FMN1: variants seen among roughly 807,000 people sequenced by gnomAD.
FMN1 encodes the protein formin 1, also known as formin-1.
Under a neutral mutation model 132.4 loss-of-function variants are expected in FMN1, and 110 were observed. The ratio of observed to expected loss-of-function variants is 0.83; its 90% CI spans 0.71 to 0.97. FMN1 has a LOEUF of 0.97. Among genes scored for constraint, FMN1 ranks in the 50% least tolerant of loss-of-function variants. The probability of loss-of-function intolerance (pLI) is 0.00; values close to 1 mark genes in which losing one functional copy is unlikely to be tolerated. For synonymous variants in FMN1, 722 were observed against 651.7 expected (o/e 1.11, Z -1.64); for missense variants, 1,792 against 1,705.3 (o/e 1.05, Z -0.90).
chr15:33,184,975 G>A (rs751112973), intron 2 of FMN1, among the ~76,000 whole-genome samples: 8 of 152,180 alleles, frequency 5.3e-5, no homozygotes, highest in Non-Finnish European at 1.0e-4. Context: ...TGCTTATATT[G>A]TTAAAGGTTT....
intron 4 of FMN1, among the ~76,000 whole-genome samples, chr15:33,098,584 G>C (rs2039173691): frequency 6.6e-6 from 1 of 152,168 alleles, no homozygotes; most frequent in East Asian, 1.9e-4. Flanking sequence ...TTCTTACACA[G>C]GCACTCAGGG....
At chr15:32,786,079 T>C (rs927443791) in intron 19 of FMN1, among the ~76,000 whole-genome samples, 1 of 152,184 alleles carries the variant, frequency 6.6e-6, no homozygotes, top group African/African-American at 2.4e-5. Flanking sequence ...AATGTCCACG[T>C]TCCCTAAAAA....
intron 15 of FMN1, among the ~76,000 whole-genome samples, chr15:32,895,992 T>G (rs1319146866): frequency 6.6e-6 from 1 of 152,156 alleles, no homozygotes; most frequent in Non-Finnish European, 1.5e-5. Context: ...ACCTACACTT[T>G]TGTCATGTCT....
chr15:32,930,411 G>T (rs1319392630), intron 9 of FMN1, among the ~76,000 whole-genome samples: 13 of 144,478 alleles, frequency 9.0e-5, no homozygotes, highest in Admixed American at 3.5e-4. Context: ...GTATTTTTCA[G>T]TTTTTTTTTT....
intron 16 of FMN1, among the ~76,000 whole-genome samples, chr15:32,886,630 A>C (rs1022420494): frequency 5.9e-5 from 9 of 152,178 alleles, no homozygotes; most frequent in Admixed American, 2.6e-4. Flanking sequence ...AAGATCAAAC[A>C]GGGATCAGGT....
chr15:32,785,457 C>T (rs1009146933), intron 19 of FMN1, among the ~76,000 whole-genome samples: 2 of 151,694 alleles, frequency 1.3e-5, no homozygotes, highest in Admixed American at 6.6e-5. Flanking sequence ...TGGGTTTACA[C>T]TCTAACCTAT....
chr15:33,001,775 G>A (rs1287557499), intron 7 of FMN1, among the ~76,000 whole-genome samples: 1 of 148,352 alleles, frequency 6.7e-6, no homozygotes, highest in Non-Finnish European at 1.5e-5. Flanking sequence ...GCTGGACTGC[G>A]GTGGTGCGCG....
Position 33,067,611 on chromosome 15 carries a change from C to T in FMN1, c.2044-2537G>A, listed in dbSNP as rs373274569. The T allele has an allele frequency of 2.1e-5, 34 of 1,613,878 alleles. No individual in the cohort carries two copies. Among genetic ancestry groups the T allele is most frequent in the East Asian group, 1.6e-4 (7 of 44,886 alleles). On this transcript the variant is annotated intron_variant, in intron 5 of 20. Transcript: ENST00000616417. ...ACGCTTGCAATTTTCTCATCATTTC[C>T]GAGGTCAGGTGAAACCCGAGACCCT...
At chr15:32,994,548 T>C (rs1566803355) in intron 7 of FMN1, among the ~76,000 whole-genome samples, 1 of 152,182 alleles carries the variant, frequency 6.6e-6, no homozygotes, top group South Asian at 2.1e-4. Flanking sequence ...ATTATATTTA[T>C]TGGCTGGTTA....
chr15:33,013,376 T>C (rs1476456045), intron 6 of FMN1, among the ~76,000 whole-genome samples: 1 of 152,214 alleles, frequency 6.6e-6, no homozygotes, highest in African/African-American at 2.4e-5. Context: ...TGTAATAGTC[T>C]GATCATGAAG....
At chr15:33,128,779 A>C (rs947227336) in intron 4 of FMN1, among the ~76,000 whole-genome samples, 3 of 152,352 alleles carry the variant, frequency 2.0e-5, no homozygotes, top group Admixed American at 2.0e-4. Context: ...TATGGACCCA[A>C]ACGGTGAGCA....
chr15:32,873,789 G>A (rs1217439550), intron 16 of FMN1, among the ~76,000 whole-genome samples: 1 of 152,082 alleles, frequency 6.6e-6, no homozygotes, highest in Non-Finnish European at 1.5e-5. Flanking sequence ...ATGTTAATAA[G>A]ACTAGGTGAT....
At chr15:32,963,799 G>A (rs1159333696) in intron 9 of FMN1, among the ~76,000 whole-genome samples, 1 of 151,872 alleles carries the variant, frequency 6.6e-6, no homozygotes, top group African/African-American at 2.4e-5. Context: ...AGAAGATATG[G>A]CCAAAATAGC....
intron 20 of FMN1, among the ~76,000 whole-genome samples, chr15:32,775,798 T>G (rs545241025): frequency 6.6e-6 from 1 of 152,324 alleles, no homozygotes; most frequent in South Asian, 2.1e-4. Context: ...TAGAACCCAT[T>G]TATATTTTCA....
chr15:33,088,896 G>A lies in FMN1; in HGVS notation c.1946C>T (p.Ala649Val), dbSNP rs745819682. Residue 649 changes from alanine to valine, a missense_variant, in exon 5 of 21, where the codon GCG becomes GTG. Physicochemically the swap from Ala to Val is moderately conservative, Grantham distance 64 (BLOSUM62 0). Around this residue, in one of 3 missense-constraint regions of FMN1, gnomAD observed 1,150 missense variants for 1,043.1 expected, o/e 1.10. Transcript: ENST00000616417. ...PKDLPNRDGGAWVLGYRAGPA... is the reference protein window; with the variant it reads ...PKDLPNRDGGVWVLGYRAGPA... ...TCCCGCTCTGTAGCCCAGAACCCAC[G>A]CGCCTCCATCTCTGTTGGGAAGGTC... The A allele has an allele frequency of 8.1e-5, 125 of 1,535,678 alleles. 1 individual carries two copies. Among genetic ancestry groups the A allele is most frequent in the Middle Eastern group, 1.7e-4 (1 of 6,012 alleles).
intron 4 of FMN1, chr15:33,105,678 T>A (rs2039458090): frequency 6.6e-6 from 1 of 152,188 alleles, no homozygotes; most frequent in South Asian, 2.1e-4. Context: ...ATTAATTACT[T>A]CCTGTTTTCT....
intron 4 of FMN1, among the ~76,000 whole-genome samples, chr15:33,094,177 T>C (rs911932036): frequency 1.2e-4 from 19 of 152,194 alleles, no homozygotes; most frequent in South Asian, 6.2e-4. Context: ...TTACTAATTA[T>C]TTGACCTTGG....
rs1964607817 is a variant in FMN1, at chr15:33,154,833, C to A, written c.82G>T (p.Glu28Ter). ...CYISFCLPKG[E>*]VRGFSYKGTV... ...CCCTTGTATGAAAATCCTCTGACTT[C>A]CCCCTTTGGAAGACAGAAGCTGATG... The change falls in exon 4 of 21, where the codon GAA (glutamate) becomes TAA (stop). Residue 28 changes from glutamate (E) to a stop codon, truncating the protein, a stop_gained. Transcript: ENST00000616417. LOFTEE classifies it high-confidence loss of function. 6.5e-7 allele frequency: 1 copy of A among 1,536,168 alleles called. No homozygotes were observed. Among genetic ancestry groups the A allele is most frequent in the Non-Finnish European group, 8.7e-7 (1 of 1,146,922 alleles).
intron 10 of FMN1, among the ~76,000 whole-genome samples, chr15:32,920,331 T>TTG (rs1331720842): frequency 3.9e-5 from 6 of 152,178 alleles, no homozygotes; most frequent in Non-Finnish European, 8.8e-5. Context: ...GTAGATTACT[T>TTG]ATTCAGAGTC....
Sources: allele counts gnomAD v4.1 joint callset (sites outside exome capture counted in the v4.1 genomes callset), GRCh38; gene constraint gnomAD v4.1.1; regional missense constraint gnomAD v4.1.1; transcripts MANE v1.5; gene names NCBI Gene and HGNC (gene_info 2026-07-23, HGNC 2026-07-21).